Variants in KLHL32 observed in about 807,000 individuals in gnomAD.
The protein encoded by KLHL32 is kelch-like protein 32.
In KLHL32, 35 loss-of-function variants were observed where a neutral mutation model predicts 64.8. The observed-to-expected ratio is 0.54, with a 90% confidence interval of 0.41 to 0.72. KLHL32 has a LOEUF of 0.72. Among genes scored for constraint, KLHL32 ranks in the 30% least tolerant of loss-of-function variants. KLHL32 has a pLI of 0.00. For missense variants in KLHL32, 589 were observed against 768.5 expected, an observed-to-expected ratio of 0.77 and a Z score of 2.76; for synonymous variants, 259 against 281.0, an observed-to-expected ratio of 0.92 and a Z score of 0.78.
intron 4 of KLHL32, among the ~76,000 whole-genome samples, chr6:97,053,455 C>G (rs991694848): frequency 1.3e-5 from 2 of 151,866 alleles, no homozygotes; most frequent in Non-Finnish European, 2.9e-5. Flanking sequence ...AAGGATACTG[C>G]AAATTCTATA....
At chr6:96,899,750 T>C in the KLHL32 span, among the ~76,000 whole-genome samples, 1 of 152,184 alleles carries the variant, frequency 6.6e-6, no homozygotes. Flanking sequence ...CCAGCTCTTC[T>C]TGTCAAAACA....
At chr6:96,973,002 A>C (rs1775278732) in intron 2 of KLHL32, among the ~76,000 whole-genome samples, 1 of 152,226 alleles carries the variant, frequency 6.6e-6, no homozygotes, top group African/African-American at 2.4e-5. Flanking sequence ...TTCAGAATAC[A>C]ATAATGATTT....
chr6:97,126,925 A>G (rs1798935755), intron 7 of KLHL32, among the ~76,000 whole-genome samples: 1 of 152,156 alleles, frequency 6.6e-6, no homozygotes, highest in Non-Finnish European at 1.5e-5. Context: ...TCTATTGGAC[A>G]GCACTGGCTT....
intron 1 of KLHL32, among the ~76,000 whole-genome samples, chr6:96,947,532 T>C (rs945096803): frequency 6.6e-6 from 1 of 152,206 alleles, no homozygotes; most frequent in Non-Finnish European, 1.5e-5. Context: ...AGCAATGTCT[T>C]ACAAGCATCT....
intron 3 of KLHL32, among the ~76,000 whole-genome samples, chr6:97,028,971 G>T (rs549109045): frequency 2.0e-5 from 3 of 152,280 alleles, no homozygotes; most frequent in South Asian, 4.1e-4. Flanking sequence ...GATCTGAGAG[G>T]GCAACCCAAG....
intron 10 of KLHL32, among the ~76,000 whole-genome samples, chr6:97,133,523 A>G (rs1582283447): frequency 6.6e-6 from 1 of 152,318 alleles, no homozygotes; most frequent in Admixed American, 6.5e-5. Context: ...CTGCATCAAT[A>G]TCTTTAATAG....
chr6:96,907,299 C>T, the KLHL32 span, among the ~76,000 whole-genome samples: 1 of 152,174 alleles, frequency 6.6e-6, no homozygotes, highest in Non-Finnish European at 1.5e-5. Context: ...TATACTTTCC[C>T]ATTTTCTACC....
At chr6:96,933,698 G>T (rs1223222375) in intron 1 of KLHL32, among the ~76,000 whole-genome samples, 1 of 152,144 alleles carries the variant, frequency 6.6e-6, no homozygotes, top group Non-Finnish European at 1.5e-5. Context: ...GGGACAGAGG[G>T]TCATCTCCCA....
At chr6:97,046,613 G>A (rs1164445427) in intron 4 of KLHL32, among the ~76,000 whole-genome samples, 1 of 152,104 alleles carries the variant, frequency 6.6e-6, no homozygotes, top group African/African-American at 2.4e-5. Context: ...ATCCAAGAAA[G>A]TTTGGTTCTG....
intron 3 of KLHL32, among the ~76,000 whole-genome samples, chr6:97,009,198 T>A (rs1008029069): frequency 8.0e-5 from 12 of 150,826 alleles, no homozygotes; most frequent in African/African-American, 2.7e-4. Flanking sequence ...GTATTGGTGA[T>A]GGTATCTAGT....
chr6:97,038,020 T>A (rs1026308932), intron 3 of KLHL32, among the ~76,000 whole-genome samples: 1 of 152,044 alleles, frequency 6.6e-6, no homozygotes, highest in African/African-American at 2.4e-5. Flanking sequence ...AAAAATCAGA[T>A]CCAAATGTAT....
intron 2 of KLHL32, among the ~76,000 whole-genome samples, chr6:96,971,525 G>T (rs568739160): frequency 1.3e-5 from 2 of 152,070 alleles, no homozygotes; most frequent in African/African-American, 4.8e-5. Flanking sequence ...CTGAGACCTC[G>T]TTTATTTATT....
chr6:97,001,904 G>C (rs1159153189), intron 3 of KLHL32, among the ~76,000 whole-genome samples: 1 of 152,188 alleles, frequency 6.6e-6, no homozygotes, highest in African/African-American at 2.4e-5. Flanking sequence ...GCGTTATACT[G>C]ATGCTGTTAC....
chr6:96,962,462 G>A (rs1773983293), intron 1 of KLHL32, among the ~76,000 whole-genome samples: 1 of 152,164 alleles, frequency 6.6e-6, no homozygotes, highest in Admixed American at 6.5e-5. Flanking sequence ...TTGGAGACGG[G>A]GGTCTGAGTC....
At chr6:97,087,237 T>G (rs1793554620) in intron 6 of KLHL32, among the ~76,000 whole-genome samples, 2 of 152,238 alleles carry the variant, frequency 1.3e-5, no homozygotes, top group African/African-American at 4.8e-5. Context: ...AATAAGTATT[T>G]CCCTCATATT....
At chr6:97,010,984 G>A (rs576584206) in intron 3 of KLHL32, among the ~76,000 whole-genome samples, 5 of 152,236 alleles carry the variant, frequency 3.3e-5, no homozygotes, top group South Asian at 2.1e-4. Context: ...TCTTTAACAC[G>A]TACACCTGCT....
chr6:96,943,466 A>G (rs1227961162), intron 1 of KLHL32, among the ~76,000 whole-genome samples: 2 of 151,992 alleles, frequency 1.3e-5, no homozygotes, highest in African/African-American at 4.8e-5. Context: ...TTTACTTATT[A>G]CTGCTGACCC....
intron 7 of KLHL32, among the ~76,000 whole-genome samples, chr6:97,116,431 G>A (rs1797814245): frequency 6.6e-6 from 1 of 152,066 alleles, no homozygotes. Context: ...GCAAAACAAC[G>A]ATGGGTTTAT....
At chr6:97,023,324 C>T (rs1469015621) in intron 3 of KLHL32, among the ~76,000 whole-genome samples, 1 of 152,180 alleles carries the variant, frequency 6.6e-6, no homozygotes, top group Non-Finnish European at 1.5e-5. Context: ...TCAGCATTGA[C>T]AATCTATAAA....
Sources: gnomAD v4.1 joint callset for allele counts (sites outside exome capture counted in the v4.1 genomes callset) on GRCh38, gnomAD v4.1.1 for gene constraint, MANE v1.5 for transcripts, NCBI Gene and HGNC (gene_info 2026-07-23, HGNC 2026-07-21) for gene names.